Variants in CTNNBL1 observed in about 807,000 individuals in gnomAD.
The protein encoded by CTNNBL1 is beta-catenin-like protein 1.
Under a neutral mutation model 72.7 loss-of-function variants are expected in CTNNBL1, and 31 were observed. The observed-to-expected ratio is 0.43, with a 90% confidence interval of 0.32 to 0.58. The LOEUF (loss-of-function observed/expected upper bound fraction) is 0.58. Among genes scored for constraint, CTNNBL1 ranks in the 20% least tolerant of loss-of-function variants. CTNNBL1 has a pLI of 0.08. For missense variants in CTNNBL1, 534 were observed against 725.1 expected (o/e 0.74, Z 3.03); for synonymous variants, 240 against 267.3 (o/e 0.90, Z 1.00).
chr20:37,800,778 T>C (rs754993119), intron 10 of CTNNBL1, among the ~76,000 whole-genome samples: 13 of 152,214 alleles, frequency 8.5e-5, no homozygotes, highest in Non-Finnish European at 1.6e-4. Context: ...ATACAGCCCA[T>C]GTTTCCCTCC....
At chr20:37,831,362 CTTTTCTTTTTTTT>C (rs1404268208) in intron 11 of CTNNBL1, among the ~76,000 whole-genome samples, 12 of 53,442 alleles carry the variant, frequency 2.2e-4, no homozygotes, top group Admixed American at 8.1e-4. Flanking sequence ...TTTTCTTTTT[CTTTTCTTTTTTTT>C]TTTTTTTTGA....
chr20:37,730,250 TG>T (rs2073118050), intron 1 of CTNNBL1, among the ~76,000 whole-genome samples: 1 of 152,258 alleles, frequency 6.6e-6, no homozygotes, highest in African/African-American at 2.4e-5. Context: ...CATTTTCTTT[TG>T]TTTGGTAGTA....
At chr20:37,745,043 T>G (rs1002520964) in intron 3 of CTNNBL1, among the ~76,000 whole-genome samples, 2 of 152,236 alleles carry the variant, frequency 1.3e-5, no homozygotes, top group Non-Finnish European at 2.9e-5. Flanking sequence ...ATGGATAATT[T>G]GTTTACATTT....
chr20:37,811,191 C>G (rs1052301847), intron 11 of CTNNBL1, among the ~76,000 whole-genome samples: 1 of 152,112 alleles, frequency 6.6e-6, no homozygotes, highest in East Asian at 1.9e-4. Flanking sequence ...AAACCTTCCC[C>G]GAGAGGATAT....
intron 15 of CTNNBL1, among the ~76,000 whole-genome samples, chr20:37,871,197 TAGTAAGTTTCC>T (rs2072580742): frequency 6.6e-6 from 1 of 152,186 alleles, no homozygotes; most frequent in African/African-American, 2.4e-5. Context: ...TTTGTGTTTC[TAGTAAGTTTCC>T]ATGCAGTGCT....
intron 2 of CTNNBL1, 37 bp from the exon 3 acceptor site, chr20:37,737,341 G>A (rs1280289509): frequency 6.9e-7 from 1 of 1,446,732 alleles, no homozygotes; most frequent in Admixed American, 1.7e-5. Flanking sequence ...TGAAACCCCT[G>A]TGGACTGAAG....
chr20:37,755,984 C>A (rs1159158519), intron 4 of CTNNBL1, among the ~76,000 whole-genome samples: 4 of 152,158 alleles, frequency 2.6e-5, no homozygotes, highest in African/African-American at 9.7e-5. Context: ...CCCTTTTCCA[C>A]TTCCTTCCCC....
At chr20:37,741,712 T>C (rs534626720) in intron 3 of CTNNBL1, among the ~76,000 whole-genome samples, 2 of 152,358 alleles carry the variant, frequency 1.3e-5, no homozygotes, top group Admixed American at 6.5e-5. Flanking sequence ...GCCACACCTC[T>C]AGTAAATAGC....
chr20:37,790,476 C>T (rs1267017571), intron 10 of CTNNBL1, among the ~76,000 whole-genome samples: 1 of 152,176 alleles, frequency 6.6e-6, no homozygotes, highest in Non-Finnish European at 1.5e-5. Flanking sequence ...GCTGCACATG[C>T]AGATCTTGCT....
At chr20:37,737,542 T>A in intron 3 of CTNNBL1, 58 bp downstream of exon 3, 2 of 1,257,838 alleles carry the variant, frequency 1.6e-6, no homozygotes, top group Non-Finnish European at 2.2e-6. Flanking sequence ...TGGCTAATTT[T>A]GTTTTGATTT....
intron 11 of CTNNBL1, among the ~76,000 whole-genome samples, chr20:37,814,738 G>GA (rs200609592): frequency 7.3e-5 from 11 of 151,690 alleles, no homozygotes; most frequent in Admixed American, 3.3e-4. Context: ...AATAATGAAA[G>GA]AAAAAAAACG....
chr20:37,817,550 C>T (rs1359645553), intron 11 of CTNNBL1, among the ~76,000 whole-genome samples: 2 of 152,176 alleles, frequency 1.3e-5, no homozygotes, highest in African/African-American at 4.8e-5. Flanking sequence ...CAAATCCCAG[C>T]TCACACCAGC....
At chr20:37,764,558 T>G (rs966547916) in intron 5 of CTNNBL1, among the ~76,000 whole-genome samples, 1 of 152,244 alleles carries the variant, frequency 6.6e-6, no homozygotes, top group Non-Finnish European at 1.5e-5. Context: ...TCCTATCTGT[T>G]TCAACATGTG....
At chr20:37,792,811 G>A (rs2073737732) in intron 10 of CTNNBL1, among the ~76,000 whole-genome samples, 1 of 152,108 alleles carries the variant, frequency 6.6e-6, no homozygotes, top group Non-Finnish European at 1.5e-5. Context: ...TGCTACTTTA[G>A]CTGTGTCATA....
At chr20:37,840,776 G>A (rs1336459950) in intron 12 of CTNNBL1, among the ~76,000 whole-genome samples, 2 of 151,862 alleles carry the variant, frequency 1.3e-5, no homozygotes, top group East Asian at 1.9e-4. Context: ...ATTGGGCTAT[G>A]GAAGCTGGGA....
intron 8 of CTNNBL1, 96 bp from the exon 9 acceptor site, chr20:37,777,558 G>A: frequency 7.1e-7 from 1 of 1,405,404 alleles, no homozygotes; most frequent in Non-Finnish European, 1.0e-6. Context: ...CTGTCAAGCT[G>A]TATTGATTTT....
At chr20:37,796,350 T>G (rs1257686643) in intron 10 of CTNNBL1, among the ~76,000 whole-genome samples, 1 of 152,122 alleles carries the variant, frequency 6.6e-6, no homozygotes, top group African/African-American at 2.4e-5. Context: ...TCTCCTCCCT[T>G]CTCTGAGGCC....
chr20:37,747,248 G>A (rs1319524431), intron 4 of CTNNBL1, among the ~76,000 whole-genome samples: 3 of 151,948 alleles, frequency 2.0e-5, no homozygotes, highest in African/African-American at 4.8e-5. Flanking sequence ...GGTGGTGCAC[G>A]CCTGTAGTTC....
At chr20:37,811,533 G>T (rs914772248) in intron 11 of CTNNBL1, among the ~76,000 whole-genome samples, 2 of 152,168 alleles carry the variant, frequency 1.3e-5, no homozygotes, top group African/African-American at 4.8e-5. Context: ...GACCTCGGAT[G>T]ACAAAATGTA....
Sources: allele counts gnomAD v4.1 joint callset (sites outside exome capture counted in the v4.1 genomes callset), GRCh38; gene constraint gnomAD v4.1.1; transcripts MANE v1.5; gene names NCBI Gene and HGNC (gene_info 2026-07-23, HGNC 2026-07-21).